SPON1: variants seen among roughly 807,000 people sequenced by gnomAD.
SPON1 encodes the protein spondin-1.
A neutral mutation model predicts 111.7 loss-of-function variants in SPON1; 52 were observed. That is an observed-to-expected ratio of 0.47 (90% confidence interval 0.37 to 0.59). SPON1 has a LOEUF of 0.59. SPON1 is among the 20% of genes least tolerant of loss of function. The pLI is 0.00. For synonymous variants in SPON1, 410 were observed against 395.8 expected, an observed-to-expected ratio of 1.04 and a Z score of -0.43; for missense variants, 957 against 1,068.5, an observed-to-expected ratio of 0.90 and a Z score of 1.46.
At chr11:14,203,758 A>G (rs4756779) in intron 6 of SPON1, among the ~76,000 whole-genome samples, 21,090 of 152,172 alleles carry the variant, frequency 0.14, 1,722 homozygotes, top group South Asian at 0.24. Flanking sequence ...AGAGTCTCCA[A>G]ATAGATACAC....
At chr11:14,216,593 C>T (rs1404208777) in intron 6 of SPON1, among the ~76,000 whole-genome samples, 1 of 152,168 alleles carries the variant, frequency 6.6e-6, no homozygotes, top group Non-Finnish European at 1.5e-5. Flanking sequence ...GTGCCAGTAT[C>T]TGAGGAAGGT....
rs1041738424 is a variant in SPON1 at position 14,188,795 on chromosome 11, G to A, written c.825+53227G>A. Among the ~76,000 whole-genome samples the A allele has an allele frequency of 6.6e-5, 10 of 152,248 alleles. No homozygotes were observed. In the East Asian group the frequency reaches 1.9e-3, roughly 29 times the overall value. On this transcript the variant is annotated intron_variant, in intron 6 of 15. Transcript: ENST00000576479. ...CCTGTCTTCTCATCTGTAAAATGGGGTTAATGTCTGTCACACAGGGTAGTT... is the reference window on the plus strand; with the variant it reads ...CCTGTCTTCTCATCTGTAAAATGGGATTAATGTCTGTCACACAGGGTAGTT...
At chr11:14,041,407 T>C in intron 2 of SPON1, 114 bp from the exon 3 acceptor site, 1 of 1,267,652 alleles carries the variant, frequency 7.9e-7, no homozygotes. Flanking sequence ...GATACAGAGT[T>C]GCTAACATAA....
chr11:14,047,684 A>G (rs147524942), intron 3 of SPON1, among the ~76,000 whole-genome samples: 94 of 152,312 alleles, frequency 6.2e-4, no homozygotes, highest in African/African-American at 2.2e-3. Context: ...TTTGGATAAA[A>G]GGACAGAAGG....
At chr11:14,034,005 G>A (rs1591357233) in intron 2 of SPON1, among the ~76,000 whole-genome samples, 2 of 151,394 alleles carry the variant, frequency 1.3e-5, no homozygotes, top group African/African-American at 4.8e-5. Flanking sequence ...TTGGAATGTT[G>A]TAATTAGGTC....
chr11:14,092,430 C>T (rs1181242370), intron 5 of SPON1, among the ~76,000 whole-genome samples: 3 of 152,198 alleles, frequency 2.0e-5, no homozygotes, highest in Admixed American at 6.5e-5. Context: ...AGGTGTCTGA[C>T]TTTCAGTACT....
rs1554942074 is a variant in SPON1, at chr11:14,262,937, A to C, written c.2222A>C (p.Glu741Ala). 6.2e-7 allele frequency: 1 copy of C among 1,613,526 alleles called. No individual in the cohort carries two copies. Among genetic ancestry groups the C allele is most frequent in the East Asian group, 2.2e-5 (1 of 44,850 alleles). The change falls in exon 15 of 16, where the codon GAG (glutamate) becomes GCG (alanine). Residue 741 changes from glutamate to alanine, a missense_variant. Around this residue, in one of 5 missense-constraint regions of SPON1, gnomAD observed 549 missense variants for 606.2 expected, o/e 0.91. Transcript: ENST00000576479. The part of the protein sequence containing the change: ...WREARESRRS[E>A]QLKEESEGEQ... ...GAGGCCCGAGAGAGCCGGCGGAGTGAGCAGCTGAAGGAAGAGTCTGAAGGG... is the reference window on the plus strand; with the variant it reads ...GAGGCCCGAGAGAGCCGGCGGAGTGCGCAGCTGAAGGAAGAGTCTGAAGGG...
intron 6 of SPON1, among the ~76,000 whole-genome samples, chr11:14,144,246 G>A (rs932960695): frequency 6.6e-6 from 1 of 152,058 alleles, no homozygotes; most frequent in Middle Eastern, 3.2e-3. Flanking sequence ...GTTTTACTGG[G>A]TGGGAATACA....
chr11:14,102,796 C>T (rs1384972765), intron 5 of SPON1, among the ~76,000 whole-genome samples: 2 of 152,130 alleles, frequency 1.3e-5, no homozygotes, highest in Non-Finnish European at 2.9e-5. Context: ...GCAGGGATAC[C>T]ACAGCCATTA....
rs1554942034 is a variant in SPON1, at chr11:14,262,774, G to A, written c.2059G>A (p.Gly687Ser). The A allele has an allele frequency of 6.2e-7, 1 of 1,613,932 alleles. No homozygotes were observed. The highest frequency in any genetic ancestry group is 1.1e-5 in the South Asian group (1 of 91,068). Reference sequence around the variant, plus strand: ...GGAATGTAACAAGTCATGTGGGAAAGGCCACGTGATTCGAACCCGGATGAT... The same window carrying A: ...GGAATGTAACAAGTCATGTGGGAAAAGCCACGTGATTCGAACCCGGATGAT... ...WSECNKSCGKGHVIRTRMIQM... is the reference protein window; with the variant it reads ...WSECNKSCGKSHVIRTRMIQM... Residue 687 changes from glycine to serine, a missense_variant, in exon 15 of 16, where the codon GGC becomes AGC. Around this residue, in one of 5 missense-constraint regions of SPON1, gnomAD observed 549 missense variants for 606.2 expected, o/e 0.91. Coordinates refer to ENST00000576479, the MANE Select transcript of SPON1 (RefSeq NM_006108.4).
intron 6 of SPON1, among the ~76,000 whole-genome samples, chr11:14,185,564 C>T (rs186204662): frequency 6.6e-6 from 1 of 152,226 alleles, no homozygotes; most frequent in African/African-American, 2.4e-5. Flanking sequence ...ATGGATTATA[C>T]ATAGTTTACC....
intron 6 of SPON1, among the ~76,000 whole-genome samples, chr11:14,230,795 C>T (rs368375803): frequency 0.015 from 2,262 of 150,800 alleles, 58 homozygotes; most frequent in African/African-American, 0.051. Flanking sequence ...TTCATTTTTT[C>T]GTGGTGGTGG....
At chr11:14,091,903 G>C (rs1290464771) in intron 5 of SPON1, among the ~76,000 whole-genome samples, 1 of 152,100 alleles carries the variant, frequency 6.6e-6, no homozygotes, top group Non-Finnish European at 1.5e-5. Flanking sequence ...ATCCCTCACG[G>C]CTTCCTTTTG....
At chr11:14,102,474 C>T (rs780688771) in intron 5 of SPON1, among the ~76,000 whole-genome samples, 1 of 152,136 alleles carries the variant, frequency 6.6e-6, no homozygotes, top group South Asian at 2.1e-4. Context: ...CTTAACAGCA[C>T]GTCTCAATTC....
Position 13,963,064 on chromosome 11 carries a change from C to T in SPON1, c.160C>T (p.Arg54Trp), listed in dbSNP as rs1554907680. Residue 54 changes from arginine (R) to tryptophan (W), a missense_variant, in exon 1 of 16, where the codon CGG becomes TGG. Physicochemically the swap from Arg to Trp is moderately radical, Grantham distance 101. This residue lies in a region of SPON1 where 262 missense variants were observed against 253.9 expected (regional missense o/e 1.03). Transcript: ENST00000576479. Reference sequence around the variant, plus strand: ...CCGTATCCTGCGCGCCCAGGGCACGCGGCGCGAGGGCTACACCGAGTTCAG... The same window carrying T: ...CCGTATCCTGCGCGCCCAGGGCACGTGGCGCGAGGGCTACACCGAGTTCAG... The part of the protein sequence containing the change: ...CSRILRAQGT[R>W]REGYTEFSLR... 3.2e-6 allele frequency: 5 copies of T among 1,576,020 alleles called. No homozygotes were observed. The highest frequency in any genetic ancestry group is 4.3e-6 in the Non-Finnish European group (5 of 1,162,868).
chr11:14,169,990 G>A (rs1591397756), intron 6 of SPON1, among the ~76,000 whole-genome samples: 1 of 152,114 alleles, frequency 6.6e-6, no homozygotes, highest in East Asian at 1.9e-4. Flanking sequence ...CTCTTTTTTG[G>A]TTCCGTATGA....
chr11:13,986,136 C>G (rs1287666607), intron 2 of SPON1, among the ~76,000 whole-genome samples: 1 of 152,154 alleles, frequency 6.6e-6, no homozygotes, highest in African/African-American at 2.4e-5. Flanking sequence ...CAGAGATAGT[C>G]CTCATGAAGC....
chr11:13,984,010 C>A (rs1267185155), intron 2 of SPON1, among the ~76,000 whole-genome samples: 6 of 152,090 alleles, frequency 3.9e-5, no homozygotes, highest in Non-Finnish European at 7.3e-5. Context: ...AGGTTTTGGG[C>A]CTGGTGAGAC....
At chr11:14,110,869 C>G (rs115752643) in intron 5 of SPON1, among the ~76,000 whole-genome samples, 2 of 152,204 alleles carry the variant, frequency 1.3e-5, no homozygotes, top group Non-Finnish European at 2.9e-5. Flanking sequence ...GTCAAGTTGA[C>G]GTCTAATATT....
Sources: allele counts gnomAD v4.1 joint callset (sites outside exome capture counted in the v4.1 genomes callset), GRCh38; gene constraint gnomAD v4.1.1; regional missense constraint gnomAD v4.1.1; transcripts MANE v1.5; gene names NCBI Gene and HGNC (gene_info 2026-07-23, HGNC 2026-07-21).